The following SORCS1 variants were observed in gnomAD, a reference collection of about 807,000 sequenced individuals.
The protein encoded by SORCS1 is VPS10 domain-containing receptor SorCS1.
Under a neutral mutation model 146.1 loss-of-function variants are expected in SORCS1, and 60 were observed. The observed-to-expected ratio is 0.41, with a 90% CI of 0.33 to 0.51. SORCS1 has a LOEUF of 0.51. Ranked by LOEUF, SORCS1 falls within the 20% of genes least tolerant of loss-of-function variation. The pLI is 0.21. For missense variants in SORCS1, 1,352 were observed against 1,487.6 expected, an observed-to-expected ratio of 0.91 and a Z score of 1.50; for synonymous variants, 637 against 584.0, an observed-to-expected ratio of 1.09 and a Z score of -1.31.
At chr10:107,007,680 C>A (rs1460519762) in intron 1 of SORCS1, among the ~76,000 whole-genome samples, 3 of 152,200 alleles carry the variant, frequency 2.0e-5, no homozygotes, top group Admixed American at 6.5e-5. Context: ...GTAGAACATT[C>A]TGGATGAATC....
chr10:107,025,969 GC>G (rs1189228503), intron 1 of SORCS1, among the ~76,000 whole-genome samples: 1 of 152,158 alleles, frequency 6.6e-6, no homozygotes, highest in African/African-American at 2.4e-5. Context: ...AGCTACATCA[GC>G]CTCCCTTCAC....
chr10:107,082,975 G>C (rs1296674008), intron 1 of SORCS1, among the ~76,000 whole-genome samples: 1 of 151,934 alleles, frequency 6.6e-6, no homozygotes, highest in African/African-American at 2.4e-5. Context: ...CAGGCGTGGT[G>C]GCGGGCACCT....
At chr10:106,881,058 CA>C (rs1950786169) in intron 2 of SORCS1, among the ~76,000 whole-genome samples, 1 of 116,138 alleles carries the variant, frequency 8.6e-6, no homozygotes, top group Admixed American at 1.2e-4. Context: ...GCCTGGGCAA[CA>C]GAGCAAGACT....
rs1389643406 is a variant in SORCS1, at chr10:106,861,571, T to C, written c.627-31898A>G. On this transcript the variant is annotated intron_variant, in intron 2 of 25. Coordinates refer to ENST00000263054, the MANE Select transcript of SORCS1 (RefSeq NM_052918.5). ...TATAGCAGTGACAATGGAATTTACT[T>C]GATCCCTTAAATTTAAAATGGTTCA... Among the ~76,000 whole-genome samples the C allele has an allele frequency of 2.6e-5, 4 of 152,140 alleles. No homozygotes were observed. In the East Asian group the frequency reaches 5.8e-4, roughly 22 times the overall value.
intron 2 of SORCS1, among the ~76,000 whole-genome samples, chr10:106,829,955 G>C (rs1948468729): frequency 6.6e-6 from 1 of 152,190 alleles, no homozygotes; most frequent in Non-Finnish European, 1.5e-5. Context: ...TAAGAGATGA[G>C]GGTGTCCCTT....
At chr10:106,579,137 C>G in intron 25 of SORCS1, 1 of 1,614,112 alleles carries the variant, frequency 6.2e-7, no homozygotes, top group Non-Finnish European at 8.5e-7. Context: ...GGCCAGGCCT[C>G]CTTAGTTCAG....
intron 2 of SORCS1, among the ~76,000 whole-genome samples, chr10:106,871,246 T>C (rs1277119128): frequency 6.6e-6 from 1 of 152,186 alleles, no homozygotes; most frequent in Admixed American, 6.5e-5. Context: ...TTATACACTA[T>C]TGGTGGGAGT....
At chr10:106,924,052 C>T (rs1485729164) in intron 2 of SORCS1, among the ~76,000 whole-genome samples, 1 of 152,052 alleles carries the variant, frequency 6.6e-6, no homozygotes, top group African/African-American at 2.4e-5. Context: ...GTCGGGAGTT[C>T]GAGACCAGCC....
rs991453797 is a variant in SORCS1, at chr10:106,805,765, T to TA, written c.726+23808dup. 9.2e-5 allele frequency among the ~76,000 whole-genome samples: 14 copies of TA among 151,524 alleles called. No individual in the cohort carries two copies. In the South Asian group the frequency reaches 1.3e-3, roughly 14 times the overall value. On this transcript the variant is annotated intron_variant, in intron 3 of 25. Transcript: ENST00000263054. ...CATAATGATGCAAAGGAAATAGATT[T>TA]AAAAAAAAATCAGCCGGGCGTGGTG... is the stretch of plus-strand genomic sequence containing the variant.
In SORCS1 at chr10:106,806,368, AAAAATAAAATAAAATAAAAATAAAAT is replaced by A. The variant is rs1401539774; in HGVS notation, c.726+23180_726+23205del. Among the ~76,000 whole-genome samples, 5 of 140,924 alleles carry A rather than the reference AAAAATAAAATAAAATAAAAATAAAAT, an allele frequency of 3.5e-5. No homozygotes were observed. The East Asian group carries it at 8.2e-4, about 23-fold the overall frequency. 92.5% of individuals were successfully genotyped at this position (140,924 alleles called of 152,430 possible). On this transcript the variant is annotated intron_variant, in intron 3 of 25. Coordinates refer to ENST00000263054, the MANE Select transcript of SORCS1 (RefSeq NM_052918.5). ...GGGTGACAGAGTGAGACTCCTCCTC[AAAAATAAAATAAAATAAAAATAAAAT>A]AAAATAAAATAAAATAAAATAAAAT... is the stretch of plus-strand genomic sequence containing the variant.
In SORCS1 at chr10:107,164,190, C is replaced by T; in HGVS notation, c.337G>A (p.Ala113Thr). The change falls in exon 1 of 26, where the codon GCG becomes ACG. Residue 113 changes from alanine to threonine, a missense_variant. Physicochemically the swap from Ala to Thr is moderately conservative, Grantham distance 58. Transcript: ENST00000263054. This position sits in a 1 kb window ranked among gnomAD's most constrained non-coding sequence, Gnocchi z 6.8. ...ARSGRRRRSG[A>T]DQEKAERGEG... is the part of the protein sequence containing the mutation. ...CCCCGTTCTGCCTTCTCCTGATCCGCTCCGCTCCGTCTCCTCCGGCCGGAG... is the reference window on the plus strand; with the variant it reads ...CCCCGTTCTGCCTTCTCCTGATCCGTTCCGCTCCGTCTCCTCCGGCCGGAG... The T allele has an allele frequency of 1.9e-6, 3 of 1,611,588 alleles. No homozygotes were observed. In the South Asian group the frequency reaches 3.3e-5, roughly 18 times the overall value.
At chr10:106,644,690 T>G (rs1339564047) in intron 18 of SORCS1, among the ~76,000 whole-genome samples, 1 of 152,208 alleles carries the variant, frequency 6.6e-6, no homozygotes, top group Admixed American at 6.5e-5. Flanking sequence ...CAGCTTTGAC[T>G]ATTTTTGCAT....
At chr10:106,911,652 C>T (rs914253062) in intron 2 of SORCS1, among the ~76,000 whole-genome samples, 2 of 152,158 alleles carry the variant, frequency 1.3e-5, no homozygotes, top group South Asian at 4.1e-4. Flanking sequence ...GATCCAAGAA[C>T]TCCTGTGGCT....
At chr10:107,087,775 G>A (rs1018249089) in intron 1 of SORCS1, among the ~76,000 whole-genome samples, 2 of 152,224 alleles carry the variant, frequency 1.3e-5, no homozygotes, top group African/African-American at 4.8e-5. Context: ...TAATAGCCGA[G>A]GAGGGAAAAT....
At chr10:106,814,913 T>C (rs1465735060) in intron 3 of SORCS1, among the ~76,000 whole-genome samples, 5 of 2,436 alleles carry the variant, frequency 2.1e-3, no homozygotes, top group Non-Finnish European at 3.8e-3. Context: ...AGACTCCATC[T>C]CAAAAAAAAA....
intron 1 of SORCS1, among the ~76,000 whole-genome samples, chr10:107,041,384 G>T (rs1959145298): frequency 7.0e-6 from 1 of 143,436 alleles, no homozygotes; most frequent in African/African-American, 2.6e-5. Flanking sequence ...AAGCAAGAAA[G>T]GACAACTTCT....
At chr10:107,027,461 C>T (rs893657619) in intron 1 of SORCS1, among the ~76,000 whole-genome samples, 6 of 152,146 alleles carry the variant, frequency 3.9e-5, no homozygotes, top group African/African-American at 1.4e-4. Context: ...ATCAGGCAAT[C>T]CGTGTAACTC....
intron 23 of SORCS1, 49 bp downstream of exon 23, chr10:106,607,117 C>G: frequency 6.2e-7 from 1 of 1,601,800 alleles, no homozygotes; most frequent in Non-Finnish European, 8.5e-7. Flanking sequence ...AAGTTGAAGA[C>G]TCCACAAACG....
intron 1 of SORCS1, among the ~76,000 whole-genome samples, chr10:106,961,696 G>T (rs907639646): frequency 6.6e-6 from 1 of 152,116 alleles, no homozygotes; most frequent in Non-Finnish European, 1.5e-5. Context: ...TCTCCTTAGC[G>T]TAAGACACTC....
Sources: gnomAD v4.1 joint callset for allele counts (sites outside exome capture counted in the v4.1 genomes callset) on GRCh38, gnomAD v4.1.1 for gene constraint, Gnocchi (gnomAD v3.1) non-coding constraint, MANE v1.5 for transcripts, NCBI Gene and HGNC (gene_info 2026-07-23, HGNC 2026-07-21) for gene names.